The following CSMD3 variants were observed in gnomAD, a reference collection of about 807,000 sequenced individuals.
CSMD3 encodes the protein CUB and Sushi multiple domains 3, also known as CUB and sushi domain-containing protein 3.
Under a neutral mutation model 435.2 loss-of-function variants are expected in CSMD3, and 177 were observed. The ratio of observed to expected loss-of-function variants is 0.41; its 90% CI spans 0.36 to 0.46. The LOEUF is 0.46. Among genes scored for constraint, CSMD3 ranks in the 20% least tolerant of loss-of-function variants. The pLI is 0.34. For missense variants in CSMD3, 4,265 were observed against 4,504.6 expected (o/e 0.95, Z 1.52); for synonymous variants, 1,656 against 1,520.5 (o/e 1.09, Z -2.07).
intron 3 of CSMD3, among the ~76,000 whole-genome samples, chr8:113,271,539 G>A (rs1428256335): frequency 4.6e-5 from 7 of 152,238 alleles, no homozygotes; most frequent in East Asian, 1.9e-4. Flanking sequence ...TTGAGCCTGC[G>A]GGTGAACAGA....
At chr8:112,409,099 A>G in intron 32 of CSMD3, 67 bp from the exon 33 acceptor site, 1 of 1,609,098 alleles carries the variant, frequency 6.2e-7, no homozygotes, top group Non-Finnish European at 8.5e-7. Flanking sequence ...CAAAAAACAA[A>G]AAAATAGAAA....
rs1466164289 is a variant in CSMD3, at chr8:113,341,588, T to C, written c.179-26795A>G. 2.0e-5 allele frequency among the ~76,000 whole-genome samples: 3 copies of C among 152,174 alleles called. 1 individual carries two copies. In the East Asian group the frequency reaches 5.8e-4, roughly 29 times the overall value. ...AACAAGTAGTTTATAAATATATATA[T>C]GAGACATGCTATAATAGGAGTATCT... On this transcript the variant is annotated intron_variant, in intron 1 of 70. Coordinates refer to ENST00000297405, the MANE Select transcript of CSMD3 (RefSeq NM_198123.2).
intron 22 of CSMD3, among the ~76,000 whole-genome samples, chr8:112,628,066 A>T (rs868190222): frequency 6.6e-6 from 1 of 152,202 alleles, no homozygotes; most frequent in African/African-American, 2.4e-5. Flanking sequence ...TCCCAAGTGA[A>T]TAAGAATTGA....
chr8:112,488,308 T>C (rs547374372), intron 31 of CSMD3, among the ~76,000 whole-genome samples: 1 of 152,290 alleles, frequency 6.6e-6, no homozygotes, highest in African/African-American at 2.4e-5. Flanking sequence ...TTTATATAAA[T>C]TAAGGTGTTA....
chr8:112,506,268 C>T (rs886750552), intron 29 of CSMD3, among the ~76,000 whole-genome samples: 6 of 152,084 alleles, frequency 3.9e-5, no homozygotes, highest in African/African-American at 1.4e-4. Context: ...TTAAGCTTAA[C>T]ATTTCACATA....
chr8:112,929,211 C>A (rs10094930), intron 9 of CSMD3, among the ~76,000 whole-genome samples: 5 of 119,354 alleles, frequency 4.2e-5, no homozygotes, highest in Non-Finnish European at 6.5e-5. Flanking sequence ...GAGTAGGTTG[C>A]GAAAATTTTC....
chr8:112,464,819 C>T, intron 32 of CSMD3, among the ~76,000 whole-genome samples: 1 of 152,150 alleles, frequency 6.6e-6, no homozygotes, highest in South Asian at 2.1e-4. Flanking sequence ...TCCTGGGGAT[C>T]CCACTAAATT....
chr8:112,607,882 C>A (rs1832923581), intron 22 of CSMD3, among the ~76,000 whole-genome samples: 1 of 152,018 alleles, frequency 6.6e-6, no homozygotes, highest in African/African-American at 2.4e-5. Flanking sequence ...GCTTGCCCAA[C>A]AAGATTAGGA....
chr8:112,973,810 C>T (rs1319374286), intron 7 of CSMD3, among the ~76,000 whole-genome samples: 1 of 151,678 alleles, frequency 6.6e-6, no homozygotes, highest in African/African-American at 2.4e-5. Flanking sequence ...AATCACTGAA[C>T]TAGTAGTAAG....
chr8:112,602,186 C>T (rs1042782773), intron 22 of CSMD3, among the ~76,000 whole-genome samples: 3 of 152,074 alleles, frequency 2.0e-5, no homozygotes, highest in East Asian at 1.9e-4. Flanking sequence ...AATGTTATAG[C>T]AAACAAAACT....
chr8:112,333,292 T>C (rs1239477446), intron 45 of CSMD3, among the ~76,000 whole-genome samples: 2 of 152,020 alleles, frequency 1.3e-5, no homozygotes, highest in African/African-American at 2.4e-5. Flanking sequence ...CTCAGCCACC[T>C]GAGTAGCTGG....
chr8:112,242,973 A>C (rs531670193), intron 65 of CSMD3, among the ~76,000 whole-genome samples: 2 of 152,262 alleles, frequency 1.3e-5, no homozygotes, highest in Admixed American at 1.3e-4. Flanking sequence ...CAATCAGTGT[A>C]TAAAGGAAAT....
intron 50 of CSMD3, among the ~76,000 whole-genome samples, chr8:112,310,022 C>A (rs980923325): frequency 6.6e-6 from 1 of 151,964 alleles, no homozygotes; most frequent in African/African-American, 2.4e-5. Flanking sequence ...TCTTTACATG[C>A]TGAGTAGAGT....
rs1370538069 is a variant in CSMD3, at chr8:113,390,407, C to T, written c.178+46270G>A. Among the ~76,000 whole-genome samples, 5 of 151,696 alleles carry T rather than the reference C, an allele frequency of 3.3e-5. No individual in the cohort carries two copies. In the East Asian group the frequency reaches 5.8e-4, roughly 18 times the overall value. Reference sequence around the variant, plus strand: ...GAAGAAATATTTTTATACTTTAGGACCCAGGTATACATTTCCTCTGTGGAA... The same window carrying T: ...GAAGAAATATTTTTATACTTTAGGATCCAGGTATACATTTCCTCTGTGGAA... On this transcript the variant is annotated intron_variant, in intron 1 of 70. Coordinates refer to ENST00000297405, the MANE Select transcript of CSMD3 (RefSeq NM_198123.2).
chr8:113,025,501 C>T (rs2086843961), intron 5 of CSMD3, among the ~76,000 whole-genome samples: 2 of 152,084 alleles, frequency 1.3e-5, no homozygotes, highest in Admixed American at 6.5e-5. Flanking sequence ...CTAGGGTGGG[C>T]TTGCTGGAGT....
At chr8:112,550,016 T>A (rs1453136970) in intron 27 of CSMD3, among the ~76,000 whole-genome samples, 1 of 152,018 alleles carries the variant, frequency 6.6e-6, no homozygotes, top group Non-Finnish European at 1.5e-5. Context: ...ATTTAAACAT[T>A]TTAAGTTTTT....
At chr8:113,001,600 C>T (rs1349877595) in intron 6 of CSMD3, among the ~76,000 whole-genome samples, 1 of 151,978 alleles carries the variant, frequency 6.6e-6, no homozygotes, top group Non-Finnish European at 1.5e-5. Context: ...CCATTTTTTC[C>T]TTTATAGCAG....
At chr8:112,402,882 T>G (rs972886045) in intron 35 of CSMD3, among the ~76,000 whole-genome samples, 3 of 152,188 alleles carry the variant, frequency 2.0e-5, no homozygotes, top group African/African-American at 7.2e-5. Flanking sequence ...TTCCTTTAGT[T>G]CAGAATGTTA....
intron 3 of CSMD3, among the ~76,000 whole-genome samples, chr8:113,257,036 C>T (rs1382231604): frequency 2.0e-5 from 3 of 152,074 alleles, no homozygotes. Flanking sequence ...CAGAATGAGA[C>T]CTTAGTTTCA....
Sources: allele counts gnomAD v4.1 joint callset (sites outside exome capture counted in the v4.1 genomes callset), GRCh38; gene constraint gnomAD v4.1.1; transcripts MANE v1.5; gene names NCBI Gene and HGNC (gene_info 2026-07-23, HGNC 2026-07-21).